ATF2: variants seen among roughly 807,000 people sequenced by gnomAD.
ATF2 encodes the protein cyclic AMP-dependent transcription factor ATF-2.
In ATF2, 24 loss-of-function variants were observed where a neutral mutation model predicts 60.6. The observed-to-expected ratio is 0.40, with a 90% CI of 0.29 to 0.56. ATF2 has a LOEUF of 0.56. ATF2 is among the 20% of genes least tolerant of loss of function. The pLI, the probability that ATF2 is intolerant of heterozygous loss-of-function variation, is 0.54. For missense variants in ATF2, 433 were observed against 607.7 expected, an observed-to-expected ratio of 0.71 and a Z score of 3.02; for synonymous variants, 206 against 215.4, an observed-to-expected ratio of 0.96 and a Z score of 0.38.
At chr2:175,077,135 T>G (rs1464894746) in intron 13 of ATF2, among the ~76,000 whole-genome samples, 1 of 152,140 alleles carries the variant, frequency 6.6e-6, no homozygotes, top group African/African-American at 2.4e-5. Flanking sequence ...ACTCATCATT[T>G]TTTATGGCTG....
intron 13 of ATF2, among the ~76,000 whole-genome samples, chr2:175,079,532 T>A (rs1374503991): frequency 6.6e-6 from 1 of 152,088 alleles, no homozygotes; most frequent in Admixed American, 6.6e-5. Flanking sequence ...TCAAAATTAC[T>A]AGATATCAAA....
At chr2:175,110,736 G>T (rs950105578) in intron 10 of ATF2, among the ~76,000 whole-genome samples, 1 of 152,086 alleles carries the variant, frequency 6.6e-6, no homozygotes, top group Non-Finnish European at 1.5e-5. Context: ...CACCCGAGTA[G>T]CTAGGATTAC....
chr2:175,145,913 A>G (rs1036428612), intron 2 of ATF2, among the ~76,000 whole-genome samples: 3 of 152,346 alleles, frequency 2.0e-5, no homozygotes, highest in Admixed American at 1.3e-4. Flanking sequence ...AACATTTGAT[A>G]AGAAATAGGA....
intron 2 of ATF2, among the ~76,000 whole-genome samples, chr2:175,141,035 ATATATATATATATATATG>A: frequency 8.7e-6 from 1 of 114,354 alleles, no homozygotes; most frequent in Non-Finnish European, 1.8e-5. Flanking sequence ...AAAAAAATAT[ATATATATATATATATATG>A]TATATATATA....
At chr2:175,103,032 C>T (rs1398635228) in intron 10 of ATF2, among the ~76,000 whole-genome samples, 1 of 152,192 alleles carries the variant, frequency 6.6e-6, no homozygotes, top group Non-Finnish European at 1.5e-5. Flanking sequence ...CAATCTGACA[C>T]ATTCGCTTTA....
intron 10 of ATF2, among the ~76,000 whole-genome samples, chr2:175,108,789 G>A (rs1695949999): frequency 7.4e-6 from 1 of 135,562 alleles, no homozygotes; most frequent in Admixed American, 7.3e-5. Flanking sequence ...TATCTGTGTA[G>A]AAAGTAGACA....
intron 5 of ATF2, among the ~76,000 whole-genome samples, chr2:175,119,781 T>G (rs534347598): frequency 9.2e-5 from 14 of 151,596 alleles, no homozygotes; most frequent in Non-Finnish European, 1.8e-4. Context: ...CCCAAAGGGT[T>G]TGTCTATCTA....
chr2:175,074,893 A>G, intron 13 of ATF2, 58 bp from the exon 14 acceptor site: 1 of 1,597,764 alleles, frequency 6.3e-7, no homozygotes, highest in Non-Finnish European at 8.5e-7. Context: ...ATGCACCAGT[A>G]TGCTGAGGCA....
At chr2:175,152,606 C>G (rs1010294905) in intron 1 of ATF2, among the ~76,000 whole-genome samples, 2 of 152,172 alleles carry the variant, frequency 1.3e-5, no homozygotes, top group African/African-American at 4.8e-5. Flanking sequence ...CCCTATTGTG[C>G]AGAATGTTGG....
chr2:175,084,861 G>T lies in ATF2; in HGVS notation c.1186-4096C>A, dbSNP rs115178758. On this transcript the variant is annotated intron_variant, in intron 12 of 13. Transcript: ENST00000264110. ...ACATATCTTTTCCTTGGTATCCCCA[G>T]AGCACAGCACATTGCCTGATATGGA... Among the ~76,000 whole-genome samples, 748 of 152,138 alleles carry T rather than the reference G, an allele frequency of 4.9e-3. 5 individuals carry two copies. Among genetic ancestry groups the T allele is most frequent in the African/African-American group, 0.017 (688 of 41,502 alleles).
chr2:175,085,209 T>C (rs921536076), intron 12 of ATF2, among the ~76,000 whole-genome samples: 2 of 152,182 alleles, frequency 1.3e-5, no homozygotes, highest in African/African-American at 2.4e-5. Flanking sequence ...GAAAGTGTTA[T>C]GTGTTGGCTA....
At chr2:175,138,171 G>A (rs930354236) in intron 2 of ATF2, among the ~76,000 whole-genome samples, 2 of 152,146 alleles carry the variant, frequency 1.3e-5, no homozygotes, top group African/African-American at 4.8e-5. Flanking sequence ...GAGAGTTCTA[G>A]GTAAAATTTT....
At chr2:175,143,155 A>G (rs1166316856) in intron 2 of ATF2, among the ~76,000 whole-genome samples, 2 of 152,192 alleles carry the variant, frequency 1.3e-5, no homozygotes, top group African/African-American at 4.8e-5. Context: ...GGCAAAAAGA[A>G]AATAAAAGTT....
chr2:175,078,385 T>C (rs1424220630), intron 13 of ATF2, among the ~76,000 whole-genome samples: 1 of 152,230 alleles, frequency 6.6e-6, no homozygotes, highest in African/African-American at 2.4e-5. Context: ...TGCCCAGATC[T>C]AAAGAATGTG....
intron 10 of ATF2, among the ~76,000 whole-genome samples, chr2:175,103,674 T>C (rs1462091504): frequency 7.2e-6 from 1 of 139,402 alleles, no homozygotes; most frequent in African/African-American, 2.8e-5. Context: ...TTGTCACACA[T>C]CTTAAAAAAA....
intron 4 of ATF2, chr2:175,127,334 C>G (rs1241922018): frequency 1.3e-5 from 2 of 154,586 alleles, no homozygotes; most frequent in African/African-American, 2.4e-5. Context: ...ATTCTAGGTG[C>G]AAAGAGAACT....
chr2:175,117,959 C>T (rs775336921), intron 7 of ATF2, 31 bp downstream of exon 7: 42 of 1,577,652 alleles, frequency 2.7e-5, no homozygotes, highest in Non-Finnish European at 3.6e-5. Flanking sequence ...CTGTTCCTCC[C>T]CCTTACTTTG....
At chr2:175,151,575 C>T (rs1699315505) in intron 1 of ATF2, among the ~76,000 whole-genome samples, 1 of 152,118 alleles carries the variant, frequency 6.6e-6, no homozygotes, top group Admixed American at 6.5e-5. Context: ...CATTGCTGCA[C>T]AATAAAACCC....
chr2:175,092,583 G>A, intron 12 of ATF2: 1 of 453,082 alleles, frequency 2.2e-6, no homozygotes, highest in South Asian at 1.7e-5. Context: ...TTCCAAAGCT[G>A]TCAATCTGGC....
Sources: gnomAD v4.1 joint callset for allele counts (sites outside exome capture counted in the v4.1 genomes callset) on GRCh38, gnomAD v4.1.1 for gene constraint, MANE v1.5 for transcripts, NCBI Gene and HGNC (gene_info 2026-07-23, HGNC 2026-07-21) for gene names.